The following TBL1X variants were observed in gnomAD, a reference collection of about 807,000 sequenced individuals.
TBL1X encodes the protein F-box-like/WD repeat-containing protein TBL1X.
TBL1X carries 10 observed loss-of-function variants against 50.7 expected under a neutral mutation model. That is an observed-to-expected ratio of 0.20 (90% CI 0.12 to 0.33). The LOEUF (loss-of-function observed/expected upper bound fraction) is 0.33, where lower values mean the gene tolerates loss of function less well. Ranked by LOEUF, TBL1X falls within the 10% of genes least tolerant of loss-of-function variation. TBL1X has a pLI of 1.00. For synonymous variants in TBL1X, 190 were observed against 214.7 expected (o/e 0.88, Z 1.01); for missense variants, 340 against 504.4 (o/e 0.67, Z 3.12).
chrX:9,538,351 T>A (rs1000404468), intron 2 of TBL1X, among the ~76,000 whole-genome samples: 2 of 111,802 alleles, frequency 1.8e-5, no homozygotes, highest in Non-Finnish European at 3.8e-5. Flanking sequence ...ATGGACCATA[T>A]GTTTGCCCAG....
chrX:9,464,304 C>T (rs2081755408), upstream of TBL1X, among the ~76,000 whole-genome samples: 1 of 111,407 alleles, frequency 9.0e-6, no homozygotes, highest in African/African-American at 3.3e-5. Flanking sequence ...TGATGAGGCC[C>T]GAGTGCCCAG....
chrX:9,596,099 A>G (rs891090293), intron 2 of TBL1X, among the ~76,000 whole-genome samples: 7 of 112,418 alleles, frequency 6.2e-5, no homozygotes, highest in Admixed American at 2.8e-4. Context: ...TATTTTGTAC[A>G]TAAAACCACA....
intron 5 of TBL1X, among the ~76,000 whole-genome samples, chrX:9,674,805 C>G (rs2082983413): frequency 9.3e-6 from 1 of 107,167 alleles, no homozygotes. Flanking sequence ...GTGTTGAACC[C>G]CTGGCTTCAA....
Position 9,612,724 on chromosome X carries a change from A to G in TBL1X, c.-130-27549A>G, listed in dbSNP as rs1198500178. Among the ~76,000 whole-genome samples the G allele has an allele frequency of 5.4e-5, 6 of 111,254 alleles. No individual in the cohort carries two copies. In the East Asian group the frequency reaches 1.7e-3, roughly 31 times the overall value. The stretch of plus-strand genomic sequence containing the variant: ...ATGTCTGTCTGAAATTATGAAAATC[A>G]AGTCATGGGAGATGGATACCCTATT... On this transcript the variant is annotated intron_variant, in intron 2 of 17. Transcript: ENST00000645353.
intron 2 of TBL1X, among the ~76,000 whole-genome samples, chrX:9,615,463 A>G (rs2082634548): frequency 8.9e-6 from 1 of 112,235 alleles, no homozygotes; most frequent in African/African-American, 3.2e-5. Flanking sequence ...AAAAGTTGTC[A>G]TTACTAAGAC....
At chrX:9,715,406 A>G (rs1214169283) in intron 17 of TBL1X, among the ~76,000 whole-genome samples, 2 of 111,481 alleles carry the variant, frequency 1.8e-5, no homozygotes, top group Non-Finnish European at 3.8e-5. Flanking sequence ...CCTAGATGAT[A>G]ATACCTGTCC....
At chrX:9,477,911 G>A (rs975539810) in intron 1 of TBL1X, among the ~76,000 whole-genome samples, 2 of 111,865 alleles carry the variant, frequency 1.8e-5, no homozygotes, top group African/African-American at 6.5e-5. Flanking sequence ...TTTTAGAGTT[G>A]TGCTTCCAAG....
chrX:9,653,525 G>A lies in TBL1X; in HGVS notation c.-42-20G>A. The A allele has an allele frequency of 9.9e-7, 1 of 1,006,895 alleles. No individual in the cohort carries two copies. The highest frequency in any genetic ancestry group is 1.4e-6 in the Non-Finnish European group (1 of 735,928). 83.0% of individuals were successfully genotyped at this position (1,006,895 alleles called of 1,213,427 possible). ...ATGACAGAGGTGCTCCCTGCCTTCTGTGTTCTGGTTTTCCACCAGGAGCCC... is the reference window on the plus strand; with the variant it reads ...ATGACAGAGGTGCTCCCTGCCTTCTATGTTCTGGTTTTCCACCAGGAGCCC... On this transcript the variant is annotated intron_variant, in intron 3 of 17. Transcript: ENST00000645353.
At chrX:9,630,567 T>C (rs1289653578) in intron 2 of TBL1X, among the ~76,000 whole-genome samples, 3 of 112,774 alleles carry the variant, frequency 2.7e-5, no homozygotes, top group Non-Finnish European at 5.6e-5. Flanking sequence ...ATATTGTTTT[T>C]AAAATTGTTT....
chrX:9,464,309 GC>G (rs2081755427), upstream of TBL1X, among the ~76,000 whole-genome samples: 3 of 111,359 alleles, frequency 2.7e-5, no homozygotes, highest in Admixed American at 2.8e-4. Flanking sequence ...AGGCCCGAGT[GC>G]CCAGGTCCCC....
chrX:9,532,251 A>G (rs912295469), intron 2 of TBL1X, among the ~76,000 whole-genome samples: 1 of 111,888 alleles, frequency 8.9e-6, no homozygotes, highest in Middle Eastern at 4.6e-3. Flanking sequence ...TTTTATGTCA[A>G]TTAACAGATT....
Position 9,475,876 on chromosome X carries a change from T to A in TBL1X, c.-201+10429T>A, listed in dbSNP as rs762760499. On this transcript the variant is annotated intron_variant, in intron 1 of 17. Coordinates refer to ENST00000645353, the MANE Select transcript of TBL1X (RefSeq NM_005647.4). ...CATCTGTTTTCTTCTTTGTGAATAT[T>A]GAATTCGCAACATAACTTTGTTATA... Among the ~76,000 whole-genome samples the A allele has an allele frequency of 1.6e-4, 18 of 112,065 alleles. No individual in the cohort carries two copies. In the South Asian group the frequency reaches 5.5e-3, roughly 34 times the overall value.
chrX:9,602,339 T>C (rs2082561378), intron 2 of TBL1X, among the ~76,000 whole-genome samples: 1 of 108,913 alleles, frequency 9.2e-6, no homozygotes, highest in Non-Finnish European at 1.9e-5. Flanking sequence ...TTCCAAGTTC[T>C]TTTTCTTTCT....
chrX:9,470,441 G>C (rs1356290519), intron 1 of TBL1X, among the ~76,000 whole-genome samples: 1 of 112,119 alleles, frequency 8.9e-6, no homozygotes, highest in Admixed American at 9.4e-5. Flanking sequence ...ATTTTTAGTA[G>C]AGATGGGTTT....
At position 9,579,931 on chromosome X, in the gene TBL1X, G is replaced by A. The variant is rs748483166; in HGVS notation, c.-130-60342G>A. Among the ~76,000 whole-genome samples the A allele has an allele frequency of 4.5e-5, 5 of 111,677 alleles. No individual in the cohort carries two copies. The South Asian group carries it at 1.9e-3, about 43-fold the overall frequency. On this transcript the variant is annotated intron_variant, in intron 2 of 17. Transcript: ENST00000645353. ...CATAAGCCATGCTGCTCCTGGCTTT[G>A]ACAGGAGTTAAAATCATGGGTATCC... is the stretch of plus-strand genomic sequence containing the variant.
chrX:9,682,156 G>C (rs1048524265), intron 5 of TBL1X, among the ~76,000 whole-genome samples: 1 of 112,524 alleles, frequency 8.9e-6, no homozygotes, highest in African/African-American at 3.2e-5. Context: ...GCAGAGAATA[G>C]AGTCGTTGGT....
At chrX:9,623,020 G>A (rs914867826) in intron 2 of TBL1X, among the ~76,000 whole-genome samples, 5 of 111,197 alleles carry the variant, frequency 4.5e-5, no homozygotes, top group African/African-American at 6.6e-5. Flanking sequence ...TGGATCACAT[G>A]GTAATTCTGT....
At chrX:9,598,755 G>C (rs1473995784) in intron 2 of TBL1X, among the ~76,000 whole-genome samples, 1 of 111,157 alleles carries the variant, frequency 9.0e-6, no homozygotes, top group Non-Finnish European at 1.9e-5. Context: ...TTCCTCCTGA[G>C]GGCTTGAGGC....
At chrX:9,585,382 C>T (rs1323354289) in intron 2 of TBL1X, among the ~76,000 whole-genome samples, 1 of 96,273 alleles carries the variant, frequency 1.0e-5, no homozygotes, top group South Asian at 6.5e-4. Context: ...GATCACAGGC[C>T]GTCTCTAGGT....
Sources: allele counts gnomAD v4.1 joint callset (sites outside exome capture counted in the v4.1 genomes callset), GRCh38; gene constraint gnomAD v4.1.1; transcripts MANE v1.5; gene names NCBI Gene and HGNC (gene_info 2026-07-23, HGNC 2026-07-21).